Variants in C11orf65 observed in about 807,000 individuals in gnomAD.
C11orf65 encodes chromosome 11 open reading frame 65.
C11orf65 carries 38 observed loss-of-function variants against 35.3 expected under a neutral mutation model. The observed-to-expected ratio is 1.08, with a 90% CI of 0.83 to 1.41. The LOEUF (loss-of-function observed/expected upper bound fraction) is 1.41. Ranked by LOEUF, C11orf65 falls within the 40% of genes most tolerant of loss-of-function variation. The pLI is 0.00. For synonymous variants in C11orf65, 105 were observed against 114.4 expected, an observed-to-expected ratio of 0.92 and a Z score of 0.53; for missense variants, 370 against 367.1, an observed-to-expected ratio of 1.01 and a Z score of -0.06.
downstream of C11orf65, among the ~76,000 whole-genome samples, chr11:108,378,091 A>G (rs1761026566): frequency 6.6e-6 from 1 of 152,098 alleles, no homozygotes; most frequent in Non-Finnish European, 1.5e-5. Flanking sequence ...CATCCTCATC[A>G]AGCTACCAAT....
chr11:108,447,492 G>A (rs569458885), intron 2 of C11orf65, among the ~76,000 whole-genome samples: 32 of 152,016 alleles, frequency 2.1e-4, no homozygotes, highest in South Asian at 8.4e-4. Context: ...ACTCAAAACC[G>A]CTCAACTACA....
chr11:108,453,147 T>TAAAAAAAAAAAAAAAA (rs1165163791), intron 2 of C11orf65, among the ~76,000 whole-genome samples: 1 of 122,372 alleles, frequency 8.2e-6, no homozygotes. Context: ...AAAGTATAAT[T>TAAAAAAAAAAAAAAAA]AAAAAAAAAA....
At chr11:108,388,091 T>C (rs913667541) in intron 7 of C11orf65, among the ~76,000 whole-genome samples, 4 of 152,182 alleles carry the variant, frequency 2.6e-5, no homozygotes, top group African/African-American at 9.7e-5. Flanking sequence ...TAAAGAGTCA[T>C]CCTGCTTGCT....
chr11:108,463,519 G>A (rs1305597559), intron 1 of C11orf65, among the ~76,000 whole-genome samples: 2 of 152,172 alleles, frequency 1.3e-5, no homozygotes, highest in Non-Finnish European at 2.9e-5. Flanking sequence ...TGGGAAGACA[G>A]GTTAAGTCTT....
chr11:108,408,652 G>A (rs980109313), intron 3 of C11orf65, among the ~76,000 whole-genome samples: 17 of 90,692 alleles, frequency 1.9e-4, no homozygotes, highest in African/African-American at 7.3e-4. Flanking sequence ...CTCCAGCCTG[G>A]GCAACAGAGA....
At chr11:108,374,069 G>C (rs1211157928) in intron 2 of C11orf65, among the ~76,000 whole-genome samples, 6 of 152,110 alleles carry the variant, frequency 3.9e-5, no homozygotes, top group Admixed American at 3.3e-4. Flanking sequence ...AGGCCTGCCT[G>C]CCTCTGTAGG....
At chr11:108,457,370 G>A (rs200751180) in intron 2 of C11orf65, among the ~76,000 whole-genome samples, 135 of 152,200 alleles carry the variant, frequency 8.9e-4, no homozygotes, top group East Asian at 2.7e-3. Context: ...TGGGCCAGGC[G>A]CGGTGGCTCA....
intron 3 of C11orf65, among the ~76,000 whole-genome samples, chr11:108,414,278 A>T (rs1442635064): frequency 6.6e-6 from 1 of 152,066 alleles, no homozygotes; most frequent in Non-Finnish European, 1.5e-5. Context: ...GTTACTCTTC[A>T]TGGACATCTT....
intron 2 of C11orf65, among the ~76,000 whole-genome samples, chr11:108,374,956 G>A (rs969624472): frequency 1.3e-3 from 194 of 152,192 alleles, no homozygotes; most frequent in Non-Finnish European, 1.1e-3. Flanking sequence ...AAAAAGAAAC[G>A]AACAAAGCCT....
At chr11:108,416,695 CA>C in intron 3 of C11orf65, among the ~76,000 whole-genome samples, 1 of 152,100 alleles carries the variant, frequency 6.6e-6, no homozygotes, top group East Asian at 1.9e-4. Context: ...AACAACAAAA[CA>C]AAAACAATGA....
intron 3 of C11orf65, among the ~76,000 whole-genome samples, chr11:108,427,764 T>C (rs1023272378): frequency 2.1e-5 from 3 of 140,732 alleles, no homozygotes; most frequent in African/African-American, 7.8e-5. Flanking sequence ...TTACTGGTCA[T>C]TAGAGAAATG....
At chr11:108,437,707 TAAAAAAAAAA>T (rs145337876) in intron 2 of C11orf65, among the ~76,000 whole-genome samples, 30 of 38,030 alleles carry the variant, frequency 7.9e-4, no homozygotes, top group Non-Finnish European at 9.5e-4. Context: ...GACTCAGTCT[TAAAAAAAAAA>T]AAAAAAAAAA....
At chr11:108,336,924 T>C (rs1377992638) in intron 2 of C11orf65, among the ~76,000 whole-genome samples, 1 of 152,254 alleles carries the variant, frequency 6.6e-6, no homozygotes, top group Non-Finnish European at 1.5e-5. Context: ...GTTTGTCTTT[T>C]GTGATTTCAT....
At chr11:108,442,002 G>C (rs967854605) in intron 2 of C11orf65, among the ~76,000 whole-genome samples, 9 of 152,218 alleles carry the variant, frequency 5.9e-5, no homozygotes, top group Non-Finnish European at 5.9e-5. Context: ...GAAGGCTTCA[G>C]ATGATCAGTA....
At chr11:108,407,760 G>A (rs1425642918) in intron 3 of C11orf65, among the ~76,000 whole-genome samples, 2 of 150,572 alleles carry the variant, frequency 1.3e-5, no homozygotes, top group East Asian at 1.9e-4. Context: ...GTGAAACCCC[G>A]TCTCTACTAA....
At chr11:108,434,735 T>C (rs1249292118) in intron 2 of C11orf65, among the ~76,000 whole-genome samples, 1 of 152,224 alleles carries the variant, frequency 6.6e-6, no homozygotes, top group East Asian at 1.9e-4. Context: ...CTTTTCTCAC[T>C]GGAATTGACA....
intron 6 of C11orf65, among the ~76,000 whole-genome samples, chr11:108,324,976 AT>A (rs1368873098): frequency 6.6e-6 from 1 of 152,154 alleles, no homozygotes; most frequent in Non-Finnish European, 1.5e-5. Flanking sequence ...AGATGGAGGC[AT>A]TCTTTATGAT....
intron 2 of C11orf65, among the ~76,000 whole-genome samples, chr11:108,362,951 T>C (rs1406068231): frequency 3.3e-5 from 5 of 151,752 alleles, no homozygotes; most frequent in African/African-American, 1.2e-4. Context: ...AAAGTATAAT[T>C]TAAAAAAAAC....
chr11:108,434,419 C>A (rs892614432), intron 2 of C11orf65, among the ~76,000 whole-genome samples: 3 of 151,616 alleles, frequency 2.0e-5, no homozygotes, highest in African/African-American at 7.3e-5. Context: ...GCAGGAGAAT[C>A]GCTTGAATCT....
Sources: gnomAD v4.1 joint callset for allele counts (sites outside exome capture counted in the v4.1 genomes callset) on GRCh38, gnomAD v4.1.1 for gene constraint, MANE v1.5 for transcripts, NCBI Gene and HGNC (gene_info 2026-07-23, HGNC 2026-07-21) for gene names.